Variants in ALK observed in about 807,000 individuals in gnomAD.
The protein encoded by ALK is ALK tyrosine kinase receptor.
A neutral mutation model predicts 163.1 loss-of-function variants in ALK; 74 were observed. The observed-to-expected ratio is 0.45, with a 90% CI of 0.38 to 0.55. The LOEUF (loss-of-function observed/expected upper bound fraction) is 0.55, where lower values mean the gene tolerates loss of function less well. Ranked by LOEUF, ALK falls within the 20% of genes least tolerant of loss-of-function variation. The pLI is 0.00. For synonymous variants in ALK, 960 were observed against 843.2 expected, an observed-to-expected ratio of 1.14 and a Z score of -2.40; for missense variants, 2,063 against 2,105.3, an observed-to-expected ratio of 0.98 and a Z score of 0.39.
chr2:29,655,676 A>G (rs142944652), intron 3 of ALK, among the ~76,000 whole-genome samples: 79 of 152,328 alleles, frequency 5.2e-4, no homozygotes, highest in African/African-American at 1.7e-3. Flanking sequence ...GTCTCAGCTC[A>G]TTTCAGAGAT....
chr2:29,643,445 A>G (rs1428801657), intron 3 of ALK, among the ~76,000 whole-genome samples: 1 of 152,202 alleles, frequency 6.6e-6, no homozygotes, highest in Non-Finnish European at 1.5e-5. Flanking sequence ...TCTTTATTCT[A>G]AAGCAATAGG....
chr2:29,610,267 G>A (rs565127121), intron 3 of ALK, among the ~76,000 whole-genome samples: 4 of 152,150 alleles, frequency 2.6e-5, no homozygotes, highest in Non-Finnish European at 5.9e-5. Context: ...CATATGGATG[G>A]CTGATGACTT....
chr2:29,525,793 A>G (rs1162654002), intron 4 of ALK, among the ~76,000 whole-genome samples: 1 of 3,436 alleles, frequency 2.9e-4, no homozygotes, highest in African/African-American at 3.6e-4. Flanking sequence ...CTCCATCTCA[A>G]AAAAAAAAAA....
Position 29,509,477 on chromosome 2 carries a change from A to G in ALK, c.1154+22438T>C, listed in dbSNP as rs1672449201. Among the ~76,000 whole-genome samples, 4 of 152,146 alleles carry G rather than the reference A, an allele frequency of 2.6e-5. No homozygotes were observed. In the South Asian group the frequency reaches 8.3e-4, roughly 31 times the overall value. ...CTCCTTCTCTCATGCTTTTCAGTGA[A>G]TATTAAGTCTGAAATCTGGAAGAAA... On this transcript the variant is annotated intron_variant, in intron 4 of 28. Transcript: ENST00000389048.
intron 1 of ALK, among the ~76,000 whole-genome samples, chr2:29,720,994 G>C (rs1210072452): frequency 1.3e-5 from 2 of 152,208 alleles, no homozygotes; most frequent in Non-Finnish European, 2.9e-5. Context: ...GATGAGAAAG[G>C]AGTGGGGAAA....
In ALK at chr2:29,490,197, G is replaced by A. The variant is rs143622997; in HGVS notation, c.1154+41718C>T. ...CCGTGCCAAGTCAGAGCTGGAGCTA[G>A]AGATAGGGAAGAGCTGAGGCCGCAA... On this transcript the variant is annotated intron_variant, in intron 4 of 28. Coordinates refer to ENST00000389048, the MANE Select transcript of ALK (RefSeq NM_004304.5). 2.4e-3 allele frequency among the ~76,000 whole-genome samples: 371 copies of A among 152,364 alleles called. 3 individuals carry two copies. The highest frequency in any genetic ancestry group is 8.5e-3 in the African/African-American group (353 of 41,586).
chr2:29,306,427 T>C (rs1666511396), intron 8 of ALK, among the ~76,000 whole-genome samples: 1 of 152,194 alleles, frequency 6.6e-6, no homozygotes, highest in African/African-American at 2.4e-5. Flanking sequence ...TGCAAAGATT[T>C]TCCAGATCTT....
At chr2:29,454,572 A>T (rs1670902455) in intron 4 of ALK, among the ~76,000 whole-genome samples, 1 of 152,212 alleles carries the variant, frequency 6.6e-6, no homozygotes, top group South Asian at 2.1e-4. Context: ...CTAAGGAGAC[A>T]AGAAGGGCTC....
chr2:29,381,895 T>C (rs1668905608), intron 5 of ALK, among the ~76,000 whole-genome samples: 1 of 152,234 alleles, frequency 6.6e-6, no homozygotes, highest in South Asian at 2.1e-4. Flanking sequence ...ATTTGTCTTC[T>C]ATGGGAAGGA....
intron 1 of ALK, among the ~76,000 whole-genome samples, chr2:29,767,330 T>TGG (rs753567286): frequency 4.5e-4 from 68 of 152,272 alleles, no homozygotes; most frequent in Non-Finnish European, 8.1e-4. Flanking sequence ...TGTCAAGAGA[T>TGG]GGGGGCTCAG....
At chr2:29,453,999 C>T (rs568017553) in intron 4 of ALK, among the ~76,000 whole-genome samples, 11 of 152,156 alleles carry the variant, frequency 7.2e-5, no homozygotes, top group Admixed American at 2.0e-4. Context: ...ACGCAGTGCT[C>T]CCCCAAAAGA....
chr2:29,895,195 T>C (rs1667238229), intron 1 of ALK, among the ~76,000 whole-genome samples: 1 of 152,218 alleles, frequency 6.6e-6, no homozygotes, highest in Admixed American at 6.5e-5. Context: ...CCTAATTCTC[T>C]AGAATGATGT....
intron 8 of ALK, among the ~76,000 whole-genome samples, chr2:29,310,241 C>T (rs1453271129): frequency 6.6e-6 from 1 of 152,088 alleles, no homozygotes; most frequent in African/African-American, 2.4e-5. Context: ...AGCAGGGTGA[C>T]TTTGGGCAGT....
intron 4 of ALK, among the ~76,000 whole-genome samples, chr2:29,451,264 T>C (rs990116194): frequency 7.2e-5 from 11 of 152,122 alleles, no homozygotes; most frequent in African/African-American, 2.7e-4. Flanking sequence ...CTGCAGTCCA[T>C]CTCCCCAGCC....
chr2:29,531,048 C>T (rs779227214), intron 4 of ALK, among the ~76,000 whole-genome samples: 10 of 152,156 alleles, frequency 6.6e-5, no homozygotes, highest in Non-Finnish European at 1.3e-4. Context: ...CCCTGCACAC[C>T]ATGGGGATGG....
intron 4 of ALK, among the ~76,000 whole-genome samples, chr2:29,408,930 G>A (rs1669660423): frequency 6.6e-6 from 1 of 152,146 alleles, no homozygotes; most frequent in South Asian, 2.1e-4. Context: ...AATTTCCCAG[G>A]GAGAAAGGAA....
At chr2:29,655,792 T>G (rs1677167057) in intron 3 of ALK, among the ~76,000 whole-genome samples, 2 of 152,296 alleles carry the variant, frequency 1.3e-5, no homozygotes, top group South Asian at 4.1e-4. Flanking sequence ...AGTATAAAGA[T>G]GTGTTTCTCT....
chr2:29,787,035 T>C (rs551603917), intron 1 of ALK, among the ~76,000 whole-genome samples: 5 of 152,274 alleles, frequency 3.3e-5, no homozygotes, highest in Admixed American at 2.6e-4. Flanking sequence ...GACCTCGTGA[T>C]CTGCCCGCCT....
chr2:29,740,171 G>C (rs955171495), intron 1 of ALK, among the ~76,000 whole-genome samples: 2 of 152,062 alleles, frequency 1.3e-5, no homozygotes. Context: ...GAAGTTTTCA[G>C]TCCCTAACTA....
Sources: allele counts gnomAD v4.1 joint callset (sites outside exome capture counted in the v4.1 genomes callset), GRCh38; gene constraint gnomAD v4.1.1; transcripts MANE v1.5; gene names NCBI Gene and HGNC (gene_info 2026-07-23, HGNC 2026-07-21).